CDH13: variants seen among roughly 807,000 people sequenced by gnomAD.
CDH13 encodes cadherin-13.
CDH13 carries 24 observed loss-of-function variants against 63.8 expected under a neutral mutation model. That is an observed-to-expected ratio of 0.38 (90% CI 0.27 to 0.53). The LOEUF is 0.53. CDH13 is among the 20% of genes least tolerant of loss of function. The pLI, the probability that CDH13 is intolerant of heterozygous loss-of-function variation, is 0.85. For missense variants in CDH13, 1,049 were observed against 903.1 expected, an observed-to-expected ratio of 1.16 and a Z score of -2.07; for synonymous variants, 503 against 355.3, an observed-to-expected ratio of 1.42 and a Z score of -4.67.
chr16:83,734,516 G>A (rs556274928), intron 10 of CDH13, among the ~76,000 whole-genome samples: 1 of 150,576 alleles, frequency 6.6e-6, no homozygotes, highest in Admixed American at 6.6e-5. Flanking sequence ...CTCACTCATA[G>A]ATGGGAATTG....
intron 5 of CDH13, among the ~76,000 whole-genome samples, chr16:83,249,448 C>A (rs545008250): frequency 6.6e-6 from 1 of 152,302 alleles, no homozygotes; most frequent in African/African-American, 2.4e-5. Flanking sequence ...CCCATTATGT[C>A]CTGTGCAGTT....
chr16:82,798,427 C>T (rs1467618456), intron 1 of CDH13, among the ~76,000 whole-genome samples: 1 of 152,094 alleles, frequency 6.6e-6, no homozygotes, highest in Admixed American at 6.6e-5. Flanking sequence ...GTTCTGCTTT[C>T]AATACAGGGT....
Position 83,146,447 on chromosome 16 carries a change from T to C in CDH13, c.483+20946T>C, listed in dbSNP as rs372243344. On this transcript the variant is annotated intron_variant, in intron 4 of 13. Coordinates refer to ENST00000567109, the MANE Select transcript of CDH13 (RefSeq NM_001257.5). ...AGGACCAGCATCTCTGCAATTTGTT[T>C]GGTCTTCCCTTATGGTTACAAGCTG... 1.4e-4 allele frequency among the ~76,000 whole-genome samples: 22 copies of C among 152,078 alleles called. No homozygotes were observed. The East Asian group carries it at 4.1e-3, about 29-fold the overall frequency.
chr16:82,919,988 C>A (rs553020953), intron 2 of CDH13, among the ~76,000 whole-genome samples: 1 of 152,272 alleles, frequency 6.6e-6, no homozygotes, highest in East Asian at 1.9e-4. Flanking sequence ...AGAGTAATAT[C>A]GAGATCAAAA....
chr16:83,000,005 A>G (rs906587793), intron 2 of CDH13, among the ~76,000 whole-genome samples: 13 of 152,060 alleles, frequency 8.5e-5, no homozygotes, highest in African/African-American at 2.2e-4. Context: ...ACATCTTGCA[A>G]TGCTTAAGAC....
chr16:83,031,371 TATGTATACACGTATATGTA>T (rs1916320212), intron 2 of CDH13, among the ~76,000 whole-genome samples: 1 of 71,108 alleles, frequency 1.4e-5, no homozygotes, highest in Non-Finnish European at 2.7e-5. Context: ...TGTACATGTA[TATGTATACACGTATATGTA>T]TATACATATA....
intron 3 of CDH13, among the ~76,000 whole-genome samples, chr16:83,056,013 G>T (rs988798826): frequency 1.1e-4 from 17 of 152,052 alleles, no homozygotes; most frequent in Non-Finnish European, 1.9e-4. Context: ...TATAACAAAA[G>T]GGCAGAGAAC....
At chr16:83,092,389 A>G (rs752717239) in intron 3 of CDH13, among the ~76,000 whole-genome samples, 3 of 152,200 alleles carry the variant, frequency 2.0e-5, no homozygotes, top group African/African-American at 4.8e-5. Flanking sequence ...GTAGTGATGG[A>G]CACATTTTCA....
intron 6 of CDH13, among the ~76,000 whole-genome samples, chr16:83,447,572 C>G (rs753684616): frequency 3.9e-5 from 6 of 151,966 alleles, no homozygotes; most frequent in Non-Finnish European, 8.8e-5. Context: ...GCAGATGATA[C>G]CAGATCTTTA....
intron 6 of CDH13, among the ~76,000 whole-genome samples, chr16:83,369,325 C>A (rs971589225): frequency 2.0e-5 from 3 of 151,982 alleles, no homozygotes; most frequent in East Asian, 1.9e-4. Flanking sequence ...TTTTCCTGAA[C>A]ACACCATCTC....
At position 83,344,864 on chromosome 16, in the gene CDH13, A is replaced by G. The variant is rs1338456134; in HGVS notation, c.639A>G (p.Leu213=). 4 of 1,613,778 alleles carry G rather than the reference A, an allele frequency of 2.5e-6. No homozygotes were observed. Among genetic ancestry groups the G allele is most frequent in the Non-Finnish European group, 3.4e-6 (4 of 1,179,680 alleles). ...LDREVIAVYQ[L]FVETTDVNGK... is the part of the protein sequence containing the mutation. ...CCCCAATCTCTTTGCTCAAATAGCT[A>G]TTTGTGGAGACCACTGATGTCAATG... The change falls in exon 6 of 14, where the codon CTA becomes CTG. Residue 213 remains leucine, a splice_region_variant and synonymous_variant. Coordinates refer to ENST00000567109, the MANE Select transcript of CDH13 (RefSeq NM_001257.5).
At chr16:82,993,275 C>T (rs957295131) in intron 2 of CDH13, among the ~76,000 whole-genome samples, 3 of 152,140 alleles carry the variant, frequency 2.0e-5, no homozygotes, top group Non-Finnish European at 4.4e-5. Flanking sequence ...GCTCTCCCAC[C>T]GTAGAGCATT....
chr16:83,682,554 G>A (rs546139436), intron 10 of CDH13, among the ~76,000 whole-genome samples: 46 of 152,214 alleles, frequency 3.0e-4, no homozygotes, highest in South Asian at 6.2e-4. Flanking sequence ...CTGACTGTGC[G>A]CATCCTGAGA....
intron 8 of CDH13, among the ~76,000 whole-genome samples, chr16:83,636,264 A>G (rs1186600654): frequency 6.6e-6 from 1 of 152,118 alleles, no homozygotes; most frequent in Non-Finnish European, 1.5e-5. Context: ...CCTCTGCTTT[A>G]TTCTTCTTTT....
chr16:82,881,895 G>T (rs147256875), intron 2 of CDH13, among the ~76,000 whole-genome samples: 1,571 of 152,164 alleles, frequency 0.01, 39 homozygotes, highest in African/African-American at 0.036. Context: ...CACCACCCTG[G>T]ACCCACCACC....
chr16:83,300,885 G>A (rs916416207), intron 5 of CDH13, among the ~76,000 whole-genome samples: 3 of 152,120 alleles, frequency 2.0e-5, no homozygotes, highest in Admixed American at 6.5e-5. Flanking sequence ...AAGGTAGTTC[G>A]TTAAAGAAGA....
chr16:83,555,031 G>C (rs1460388775), intron 7 of CDH13, among the ~76,000 whole-genome samples: 1 of 151,996 alleles, frequency 6.6e-6, no homozygotes, highest in Non-Finnish European at 1.5e-5. Flanking sequence ...CAGAGGTGGA[G>C]GGTAGGAGCC....
intron 2 of CDH13, among the ~76,000 whole-genome samples, chr16:82,978,271 G>C (rs893615417): frequency 4.6e-5 from 7 of 152,220 alleles, no homozygotes; most frequent in African/African-American, 1.7e-4. Flanking sequence ...TTTGTAGCCT[G>C]ACAATGCAAT....
At chr16:82,997,976 C>G (rs1330336909) in intron 2 of CDH13, among the ~76,000 whole-genome samples, 1 of 152,114 alleles carries the variant, frequency 6.6e-6, no homozygotes, top group Non-Finnish European at 1.5e-5. Context: ...CTTAGAAACT[C>G]TGTATAGAAG....
Sources: allele counts gnomAD v4.1 joint callset (sites outside exome capture counted in the v4.1 genomes callset), GRCh38; gene constraint gnomAD v4.1.1; transcripts MANE v1.5; gene names NCBI Gene and HGNC (gene_info 2026-07-23, HGNC 2026-07-21).